CORO2B: variants seen among roughly 807,000 people sequenced by gnomAD.
CORO2B encodes the protein coronin 2B, also known as coronin-2B.
A neutral mutation model predicts 58.8 loss-of-function variants in CORO2B; 26 were observed. That is an observed-to-expected ratio of 0.44 (90% CI 0.32 to 0.61). The LOEUF (loss-of-function observed/expected upper bound fraction) is 0.61. Ranked by LOEUF, CORO2B falls within the 20% of genes least tolerant of loss-of-function variation. CORO2B has a pLI of 0.04. For synonymous variants in CORO2B, 242 were observed against 253.8 expected (o/e 0.95, Z 0.44); for missense variants, 460 against 645.1 (o/e 0.71, Z 3.11).
intron 1 of CORO2B, among the ~76,000 whole-genome samples, chr15:68,604,620 A>T (rs542778646): frequency 5.8e-4 from 73 of 124,908 alleles, no homozygotes; most frequent in Non-Finnish European, 6.7e-4. Flanking sequence ...GTTGTGATTT[A>T]AAAAAAAAAA....
chr15:68,652,635 A>G (rs977787071), intron 2 of CORO2B, among the ~76,000 whole-genome samples: 5 of 152,308 alleles, frequency 3.3e-5, no homozygotes, highest in East Asian at 1.9e-4. Context: ...GGGATGGTGC[A>G]TTCTCCTTCC....
At chr15:68,712,185 C>T (rs1338459204) in intron 5 of CORO2B, among the ~76,000 whole-genome samples, 2 of 152,112 alleles carry the variant, frequency 1.3e-5, no homozygotes, top group East Asian at 3.9e-4. Flanking sequence ...GGTTAAGTGC[C>T]ATTTGGAAGT....
intron 1 of CORO2B, among the ~76,000 whole-genome samples, chr15:68,589,145 A>G (rs778093448): frequency 8.5e-5 from 13 of 152,140 alleles, no homozygotes; most frequent in African/African-American, 2.7e-4. Context: ...CAGGGTTCGG[A>G]TCCACATTAA....
chr15:68,667,029 C>T (rs1262792143), intron 2 of CORO2B, among the ~76,000 whole-genome samples: 1 of 152,056 alleles, frequency 6.6e-6, no homozygotes, highest in African/African-American at 2.4e-5. Flanking sequence ...AGAAGACCCT[C>T]GACAAACAGG....
At chr15:68,612,469 G>T (rs1442035699) in intron 1 of CORO2B, among the ~76,000 whole-genome samples, 2 of 152,220 alleles carry the variant, frequency 1.3e-5, no homozygotes, top group African/African-American at 2.4e-5. Flanking sequence ...ATACTGGAAT[G>T]GGTGATGTGG....
At chr15:68,521,659 TA>T in the CORO2B span, among the ~76,000 whole-genome samples, 2 of 152,228 alleles carry the variant, frequency 1.3e-5, no homozygotes, top group African/African-American at 4.8e-5. Flanking sequence ...TTTTATTTTA[TA>T]AATTTGAAGA....
intron 2 of CORO2B, among the ~76,000 whole-genome samples, chr15:68,648,401 C>T (rs770394566): frequency 6.6e-6 from 1 of 151,368 alleles, no homozygotes; most frequent in African/African-American, 2.4e-5. Flanking sequence ...AATCCCAGCA[C>T]TTTGGGAGGC....
At chr15:68,520,513 T>C in the CORO2B span, among the ~76,000 whole-genome samples, 2 of 152,246 alleles carry the variant, frequency 1.3e-5, no homozygotes, top group Admixed American at 6.5e-5. Flanking sequence ...CATTATGAAA[T>C]GTCTCTCTTA....
chr15:68,551,743 C>T, the CORO2B span, among the ~76,000 whole-genome samples: 1 of 152,158 alleles, frequency 6.6e-6, no homozygotes, highest in South Asian at 2.1e-4. Flanking sequence ...TGAAAAGTGG[C>T]AAATAGAGTT....
intron 1 of CORO2B, among the ~76,000 whole-genome samples, chr15:68,634,251 G>A (rs1282706747): frequency 6.6e-6 from 1 of 152,220 alleles, no homozygotes; most frequent in Non-Finnish European, 1.5e-5. Context: ...GCATGATCTT[G>A]TGCATGACAG....
chr15:68,630,574 C>A (rs1469605143), intron 1 of CORO2B, among the ~76,000 whole-genome samples: 1 of 151,874 alleles, frequency 6.6e-6, no homozygotes, highest in African/African-American at 2.4e-5. Context: ...ACTCAGAGAT[C>A]TACTACCCTG....
intron 2 of CORO2B, among the ~76,000 whole-genome samples, chr15:68,659,491 T>G (rs1477103149): frequency 2.6e-5 from 4 of 152,162 alleles, no homozygotes; most frequent in Non-Finnish European, 5.9e-5. Context: ...GGCAGGAAGA[T>G]CACTTGAGGC....
intron 3 of CORO2B, among the ~76,000 whole-genome samples, chr15:68,701,302 T>C (rs566610226): frequency 1.3e-4 from 18 of 142,122 alleles, no homozygotes; most frequent in Admixed American, 3.4e-4. Flanking sequence ...GACTAGTTTC[T>C]TTTTTTTCTT....
chr15:68,687,272 T>C (rs1903015023), intron 2 of CORO2B, among the ~76,000 whole-genome samples: 1 of 152,254 alleles, frequency 6.6e-6, no homozygotes, highest in Non-Finnish European at 1.5e-5. Context: ...TACCTCCTGC[T>C]CAGTCTGTTC....
At chr15:68,638,537 T>C (rs1017171947) in intron 1 of CORO2B, among the ~76,000 whole-genome samples, 5 of 152,214 alleles carry the variant, frequency 3.3e-5, no homozygotes, top group Admixed American at 2.0e-4. Flanking sequence ...CTAAAACTCT[T>C]CCTGCTACAG....
intron 2 of CORO2B, among the ~76,000 whole-genome samples, chr15:68,680,327 C>T (rs1902739006): frequency 6.6e-6 from 1 of 152,186 alleles, no homozygotes; most frequent in South Asian, 2.1e-4. Flanking sequence ...CTGCTGGAAA[C>T]CCTCCATGAT....
intron 2 of CORO2B, among the ~76,000 whole-genome samples, chr15:68,663,057 G>GA (rs961925809): frequency 1.3e-5 from 2 of 151,148 alleles, no homozygotes; most frequent in African/African-American, 4.9e-5. Flanking sequence ...CCAATTTATT[G>GA]AAAAAAAATC....
chr15:68,633,543 A>ACACACT (rs1035888776), intron 1 of CORO2B, among the ~76,000 whole-genome samples: 7 of 151,516 alleles, frequency 4.6e-5, no homozygotes, highest in African/African-American at 1.7e-4. Flanking sequence ...ACACACACAC[A>ACACACT]CACTCACTCC....
At chr15:68,666,218 A>G (rs1467053203) in intron 2 of CORO2B, among the ~76,000 whole-genome samples, 4 of 152,212 alleles carry the variant, frequency 2.6e-5, no homozygotes, top group African/African-American at 7.2e-5. Context: ...CTTTGGGAAC[A>G]TTCTGGGTAG....
Sources: allele counts gnomAD v4.1 joint callset (sites outside exome capture counted in the v4.1 genomes callset), GRCh38; gene constraint gnomAD v4.1.1; transcripts MANE v1.5; gene names NCBI Gene and HGNC (gene_info 2026-07-23, HGNC 2026-07-21).